The following LDB2 variants were observed in gnomAD, a reference collection of about 807,000 sequenced individuals.
LDB2 encodes the protein LIM domain-binding protein 2.
Under a neutral mutation model 44.3 loss-of-function variants are expected in LDB2, and 12 were observed. That is an observed-to-expected ratio of 0.27 (90% CI 0.17 to 0.44). The LOEUF is 0.44. Ranked by LOEUF, LDB2 falls within the 20% of genes least tolerant of loss-of-function variation. The pLI is 1.00. For missense variants in LDB2, 344 were observed against 473.5 expected, an observed-to-expected ratio of 0.73 and a Z score of 2.54; for synonymous variants, 164 against 174.8, an observed-to-expected ratio of 0.94 and a Z score of 0.49.
rs111680788 is a variant in LDB2 at position 16,530,204 on chromosome 4, G to A, written c.616-18100C>T. ...GCTGAAGTTCATTGGGTTTAAGAGG[G>A]TCTGCCTGACCTCGCACTGCTGCCT... On this transcript the variant is annotated intron_variant, in intron 5 of 7. Coordinates refer to ENST00000304523, the MANE Select transcript of LDB2 (RefSeq NM_001290.5). Among the ~76,000 whole-genome samples, 419 of 152,310 alleles carry A rather than the reference G, an allele frequency of 2.8e-3. 7 individuals carry two copies. Among genetic ancestry groups the A allele is most frequent in the African/African-American group, 9.4e-3 (391 of 41,568 alleles).
intron 5 of LDB2, among the ~76,000 whole-genome samples, chr4:16,553,631 G>C (rs1738439810): frequency 6.6e-6 from 1 of 152,130 alleles, no homozygotes; most frequent in African/African-American, 2.4e-5. Context: ...TCTTGAACCT[G>C]ACCAGGTAAG....
intron 5 of LDB2, among the ~76,000 whole-genome samples, chr4:16,519,573 A>C (rs1725191993): frequency 1.3e-5 from 2 of 150,958 alleles, no homozygotes; most frequent in African/African-American, 4.9e-5. Flanking sequence ...AATACATGGC[A>C]AACTTGGGGG....
chr4:16,557,817 C>G (rs568284673), intron 5 of LDB2, among the ~76,000 whole-genome samples: 1 of 152,202 alleles, frequency 6.6e-6, no homozygotes, highest in African/African-American at 2.4e-5. Context: ...AGGCACCCCC[C>G]AGTAGGGGCA....
chr4:16,581,435 A>T, intron 5 of LDB2: 1 of 985,382 alleles, frequency 1.0e-6, no homozygotes, highest in Non-Finnish European at 1.2e-6. Flanking sequence ...TGGAAAAAAA[A>T]AATCTTTTGA....
intron 1 of LDB2, among the ~76,000 whole-genome samples, chr4:16,766,468 ATGTGTGTGTGTGTG>A (rs1218763626): frequency 4.8e-5 from 2 of 41,310 alleles, no homozygotes; most frequent in African/African-American, 9.0e-5. Context: ...ACACACATAT[ATGTGTGTGTGTGTG>A]TGTGTGTGTG....
intron 1 of LDB2, among the ~76,000 whole-genome samples, chr4:16,864,453 G>C (rs1045611912): frequency 1.1e-4 from 16 of 152,140 alleles, no homozygotes; most frequent in Non-Finnish European, 1.3e-4. Context: ...GCATGCCTTG[G>C]TGCCAAACTA....
At chr4:16,774,649 G>C (rs376258677) in intron 1 of LDB2, among the ~76,000 whole-genome samples, 3 of 152,142 alleles carry the variant, frequency 2.0e-5, no homozygotes, top group African/African-American at 7.2e-5. Flanking sequence ...AGCTCAGAAA[G>C]GTTACTTAAT....
chr4:16,502,551 T>C lies in LDB2; in HGVS notation c.*92A>G. 1 of 1,508,248 alleles carries C rather than the reference T, an allele frequency of 6.6e-7. No individual in the cohort carries two copies. 93.4% of individuals were successfully genotyped at this position (1,508,248 alleles called of 1,614,324 possible). Reference sequence around the variant, plus strand: ...ATAGATATTTGCATGGAAAAGTTTTTATCTCTTCTGTTTCCTCTCCTGTAA... The same window carrying C: ...ATAGATATTTGCATGGAAAAGTTTTCATCTCTTCTGTTTCCTCTCCTGTAA... On this transcript the variant is annotated 3_prime_UTR_variant, in exon 8 of 8. Transcript: ENST00000304523.
intron 7 of LDB2, chr4:16,505,967 G>A: frequency 6.4e-7 from 1 of 1,551,674 alleles, no homozygotes; most frequent in Admixed American, 2.0e-5. Flanking sequence ...CTGCAGTTCG[G>A]GATCGCTCCT....
intron 5 of LDB2, among the ~76,000 whole-genome samples, chr4:16,534,123 G>A (rs1167944105): frequency 6.6e-6 from 1 of 152,128 alleles, no homozygotes; most frequent in East Asian, 1.9e-4. Flanking sequence ...CACAACTCAC[G>A]TTCCTCTGAT....
At chr4:16,562,983 G>A (rs941567283) in intron 5 of LDB2, among the ~76,000 whole-genome samples, 125 of 151,650 alleles carry the variant, frequency 8.2e-4, no homozygotes, top group African/African-American at 2.5e-3. Flanking sequence ...ACCAAACACC[G>A]CATGTTCTCA....
At chr4:16,833,474 T>TG (rs1284962998) in intron 1 of LDB2, among the ~76,000 whole-genome samples, 2 of 152,112 alleles carry the variant, frequency 1.3e-5, no homozygotes, top group Non-Finnish European at 2.9e-5. Flanking sequence ...TGTCTTTTCT[T>TG]GCGGTATCTC....
intron 2 of LDB2, among the ~76,000 whole-genome samples, chr4:16,659,696 T>C (rs1165487858): frequency 1.3e-5 from 2 of 149,556 alleles, no homozygotes; most frequent in Non-Finnish European, 3.0e-5. Flanking sequence ...TATATATGTA[T>C]GTATGTATAT....
chr4:16,642,632 C>T (rs1735516078), intron 2 of LDB2, among the ~76,000 whole-genome samples: 1 of 152,178 alleles, frequency 6.6e-6, no homozygotes, highest in Admixed American at 6.5e-5. Context: ...CCTGTTCCTC[C>T]TCAATGACAG....
intron 1 of LDB2, among the ~76,000 whole-genome samples, chr4:16,772,675 A>G (rs1770965416): frequency 6.6e-6 from 1 of 152,236 alleles, no homozygotes; most frequent in African/African-American, 2.4e-5. Context: ...AAAAATATGT[A>G]AATGCTTTAT....
intron 1 of LDB2, among the ~76,000 whole-genome samples, chr4:16,894,524 TAC>T (rs2110545708): frequency 6.6e-6 from 1 of 152,282 alleles, no homozygotes; most frequent in African/African-American, 2.4e-5. Flanking sequence ...CCTATTCCTT[TAC>T]AGAGAGGTGA....
chr4:16,557,243 C>T lies in LDB2; in HGVS notation c.615+28679G>A, dbSNP rs550831551. Among the ~76,000 whole-genome samples the T allele has an allele frequency of 4.6e-4, 70 of 152,298 alleles. 1 individual carries two copies. The highest frequency in any genetic ancestry group is 1.7e-3 in the South Asian group (8 of 4,832). On this transcript the variant is annotated intron_variant, in intron 5 of 7. Transcript: ENST00000304523. ...TGGGTGCAGAGCACCGTGCGCAAGC[C>T]GAAGCAGGGTGAGGCATTGCCTTAC...
At chr4:16,639,636 T>A (rs1349061174) in intron 2 of LDB2, among the ~76,000 whole-genome samples, 1 of 152,224 alleles carries the variant, frequency 6.6e-6, no homozygotes, top group Non-Finnish European at 1.5e-5. Context: ...TAATTTTGTA[T>A]TTTTAGTAGA....
chr4:16,663,463 T>G (rs1742161624), intron 2 of LDB2, among the ~76,000 whole-genome samples: 1 of 152,196 alleles, frequency 6.6e-6, no homozygotes, highest in South Asian at 2.1e-4. Flanking sequence ...ACTGCCTGAC[T>G]TTTTCAACCC....
Sources: allele counts gnomAD v4.1 joint callset (sites outside exome capture counted in the v4.1 genomes callset), GRCh38; gene constraint gnomAD v4.1.1; transcripts MANE v1.5; gene names NCBI Gene and HGNC (gene_info 2026-07-23, HGNC 2026-07-21).